Variants in ARL15 observed in about 807,000 individuals in gnomAD.
ARL15 encodes the protein ADP-ribosylation factor-like protein 15.
A neutral mutation model predicts 25.2 loss-of-function variants in ARL15; 19 were observed. The observed-to-expected ratio is 0.75, with a 90% CI of 0.53 to 1.10. The LOEUF is 1.10. Ranked by LOEUF, ARL15 falls within the 50% of genes least tolerant of loss-of-function variation. ARL15 has a pLI of 0.00. For missense variants in ARL15, 220 were observed against 246.0 expected, an observed-to-expected ratio of 0.89 and a Z score of 0.71; for synonymous variants, 94 against 86.8, an observed-to-expected ratio of 1.08 and a Z score of -0.46.
At chr5:54,232,999 T>C (rs983213962) in intron 1 of ARL15, among the ~76,000 whole-genome samples, 2 of 152,214 alleles carry the variant, frequency 1.3e-5, no homozygotes, top group Non-Finnish European at 2.9e-5. Context: ...ACCTCTTGCA[T>C]TGTGTTTGCA....
intron 4 of ARL15, among the ~76,000 whole-genome samples, chr5:53,926,791 G>C (rs568747416): frequency 5.9e-5 from 9 of 152,052 alleles, no homozygotes; most frequent in Non-Finnish European, 1.3e-4. Context: ...ATACTATTCT[G>C]TATGGACCTA....
At chr5:53,903,543 A>C (rs1334248514) in intron 4 of ARL15, among the ~76,000 whole-genome samples, 1 of 152,168 alleles carries the variant, frequency 6.6e-6, no homozygotes, top group Non-Finnish European at 1.5e-5. Flanking sequence ...CCAAGATTGA[A>C]AAACCTTGCT....
intron 4 of ARL15, among the ~76,000 whole-genome samples, chr5:53,949,480 T>A (rs1030844105): frequency 6.6e-6 from 1 of 152,238 alleles, no homozygotes; most frequent in Non-Finnish European, 1.5e-5. Flanking sequence ...TTGCAGTTTG[T>A]TCTCAAATAT....
chr5:53,887,719 A>G (rs2111882177), intron 4 of ARL15, among the ~76,000 whole-genome samples: 1 of 152,358 alleles, frequency 6.6e-6, no homozygotes, highest in South Asian at 2.1e-4. Context: ...ACATTGCTCA[A>G]AGATGTTCTT....
intron 2 of ARL15, among the ~76,000 whole-genome samples, chr5:54,155,821 C>A (rs1049090763): frequency 6.6e-6 from 1 of 151,998 alleles, no homozygotes; most frequent in Admixed American, 6.6e-5. Context: ...GAGGAAGATT[C>A]TTTTGTTTCA....
intron 1 of ARL15, among the ~76,000 whole-genome samples, chr5:54,300,633 G>A (rs536722907): frequency 6.6e-6 from 1 of 152,222 alleles, no homozygotes; most frequent in Non-Finnish European, 1.5e-5. Context: ...TTATCCCTGA[G>A]ATCTATTCTG....
chr5:54,053,998 C>T (rs911037644), intron 4 of ARL15, among the ~76,000 whole-genome samples: 1 of 152,164 alleles, frequency 6.6e-6, no homozygotes, highest in African/African-American at 2.4e-5. Context: ...ATACACAAAA[C>T]ACTATGTACT....
At chr5:53,904,773 G>C (rs1191955688) in intron 4 of ARL15, among the ~76,000 whole-genome samples, 3 of 132,590 alleles carry the variant, frequency 2.3e-5, no homozygotes, top group Non-Finnish European at 4.6e-5. Context: ...GTCTCACCCA[G>C]GCTGGAGTGC....
At chr5:54,020,462 A>G (rs751403460) in intron 4 of ARL15, among the ~76,000 whole-genome samples, 1 of 152,226 alleles carries the variant, frequency 6.6e-6, no homozygotes, top group Non-Finnish European at 1.5e-5. Context: ...CCAGATGCCA[A>G]CAAAGACTTA....
At chr5:54,291,270 T>G (rs1758312252) in intron 1 of ARL15, among the ~76,000 whole-genome samples, 1 of 152,188 alleles carries the variant, frequency 6.6e-6, no homozygotes, top group African/African-American at 2.4e-5. Context: ...AGATAATCCT[T>G]GGTTTCCATG....
At chr5:54,179,758 C>G (rs560066580) in intron 1 of ARL15, among the ~76,000 whole-genome samples, 2 of 152,028 alleles carry the variant, frequency 1.3e-5, no homozygotes, top group Non-Finnish European at 2.9e-5. Context: ...TGACTCACAC[C>G]TGTAATCCCT....
At chr5:54,205,556 C>A (rs1288767534) in intron 1 of ARL15, among the ~76,000 whole-genome samples, 1 of 152,134 alleles carries the variant, frequency 6.6e-6, no homozygotes, top group East Asian at 1.9e-4. Flanking sequence ...CAGTTCTTTG[C>A]CTTTAGAGTA....
intron 4 of ARL15, among the ~76,000 whole-genome samples, chr5:54,018,547 G>A (rs1749495644): frequency 6.6e-6 from 1 of 152,218 alleles, no homozygotes; most frequent in Non-Finnish European, 1.5e-5. Flanking sequence ...GTTTCCTGCT[G>A]AGTGCATATG....
At chr5:54,068,951 T>C (rs73112677) in intron 4 of ARL15, among the ~76,000 whole-genome samples, 13,040 of 152,218 alleles carry the variant, frequency 0.086, 713 homozygotes, top group African/African-American at 0.15. Context: ...AGCAGAATAG[T>C]ACCTAATACG....
chr5:54,262,439 T>C (rs1348485753), intron 1 of ARL15, among the ~76,000 whole-genome samples: 1 of 152,202 alleles, frequency 6.6e-6, no homozygotes, highest in East Asian at 1.9e-4. Context: ...TCTGCCTTTA[T>C]GGAAGTGATT....
chr5:54,263,815 C>G (rs1757557801), intron 1 of ARL15, among the ~76,000 whole-genome samples: 1 of 152,050 alleles, frequency 6.6e-6, no homozygotes, highest in Non-Finnish European at 1.5e-5. Context: ...AAATGTATTT[C>G]CAACATGGCA....
intron 4 of ARL15, among the ~76,000 whole-genome samples, chr5:53,920,757 A>C (rs1745828700): frequency 6.6e-6 from 1 of 152,202 alleles, no homozygotes; most frequent in African/African-American, 2.4e-5. Flanking sequence ...GCATAGCAAT[A>C]TCTGTGTCCT....
intron 4 of ARL15, among the ~76,000 whole-genome samples, chr5:53,981,049 C>T (rs898811172): frequency 2.0e-5 from 3 of 152,066 alleles, no homozygotes; most frequent in African/African-American, 7.2e-5. Context: ...CTGAAGGAAC[C>T]CGACTGCACA....
At chr5:54,055,509 T>C (rs1377264158) in intron 4 of ARL15, among the ~76,000 whole-genome samples, 1 of 151,924 alleles carries the variant, frequency 6.6e-6, no homozygotes, top group Admixed American at 6.6e-5. Flanking sequence ...TACAGGCATA[T>C]GTCAACAAGT....
Sources: gnomAD v4.1 joint callset for allele counts (sites outside exome capture counted in the v4.1 genomes callset) on GRCh38, gnomAD v4.1.1 for gene constraint, MANE v1.5 for transcripts, NCBI Gene and HGNC (gene_info 2026-07-23, HGNC 2026-07-21) for gene names.